Variants in SPARCL1 observed in about 807,000 individuals in gnomAD.
SPARCL1 encodes the protein SPARC like 1, also known as SPARC-like protein 1.
In SPARCL1, 52 loss-of-function variants were observed where a neutral mutation model predicts 67.1. The ratio of observed to expected loss-of-function variants is 0.78; its 90% CI spans 0.62 to 0.98. SPARCL1 has a LOEUF of 0.98. Among genes scored for constraint, SPARCL1 ranks in the 50% least tolerant of loss-of-function variants. SPARCL1 has a pLI of 0.00. For missense variants in SPARCL1, 717 were observed against 782.4 expected, an observed-to-expected ratio of 0.92 and a Z score of 1.00; for synonymous variants, 226 against 267.8, an observed-to-expected ratio of 0.84 and a Z score of 1.52.
intron 1 of SPARCL1, among the ~76,000 whole-genome samples, chr4:87,512,503 T>C (rs773081770): frequency 4.6e-5 from 7 of 151,998 alleles, no homozygotes; most frequent in Non-Finnish European, 7.4e-5. Context: ...GAGTTTTTCC[T>C]CTTGGTGGAA....
At chr4:87,479,108 G>T (rs1260468356) in intron 10 of SPARCL1, among the ~76,000 whole-genome samples, 1 of 152,186 alleles carries the variant, frequency 6.6e-6, no homozygotes, top group Admixed American at 6.5e-5. Flanking sequence ...GTTAAGGTAG[G>T]ATATGAAATA....
chr4:87,491,932 C>T (rs1724351709), intron 4 of SPARCL1, among the ~76,000 whole-genome samples: 1 of 94,520 alleles, frequency 1.1e-5, no homozygotes, highest in East Asian at 3.3e-4. Context: ...TAGGGAAACT[C>T]CATCTCTACC....
chr4:87,515,217 T>A (rs1352554926), intron 1 of SPARCL1, among the ~76,000 whole-genome samples: 1 of 152,218 alleles, frequency 6.6e-6, no homozygotes, highest in Non-Finnish European at 1.5e-5. Context: ...AGATCTAAGT[T>A]CCAGACTTGA....
intron 1 of SPARCL1, among the ~76,000 whole-genome samples, chr4:87,502,837 G>A (rs983374267): frequency 6.6e-6 from 1 of 152,222 alleles, no homozygotes; most frequent in Admixed American, 6.5e-5. Context: ...GTTCCATGGA[G>A]CATTGGAGGG....
At chr4:87,489,970 CTG>C (rs1466508808) in intron 7 of SPARCL1, among the ~76,000 whole-genome samples, 1 of 152,164 alleles carries the variant, frequency 6.6e-6, no homozygotes, top group Non-Finnish European at 1.5e-5. Context: ...TGATTCAACT[CTG>C]TGATTAAGTG....
chr4:87,507,344 G>A (rs748680390), intron 1 of SPARCL1, among the ~76,000 whole-genome samples: 3 of 152,104 alleles, frequency 2.0e-5, no homozygotes, highest in East Asian at 1.9e-4. Flanking sequence ...TAATCTGTCC[G>A]CATGATCTCA....
intron 1 of SPARCL1, among the ~76,000 whole-genome samples, chr4:87,508,964 A>G (rs2110249493): frequency 6.8e-6 from 1 of 147,736 alleles, no homozygotes; most frequent in African/African-American, 2.5e-5. Flanking sequence ...CAGATCCCAC[A>G]GGTTGAGGGC....
chr4:87,483,598 AC>A (rs1370454616), intron 7 of SPARCL1, among the ~76,000 whole-genome samples: 1 of 152,194 alleles, frequency 6.6e-6, no homozygotes, highest in Non-Finnish European at 1.5e-5. Context: ...TTGGGTATAT[AC>A]CCAGTAATGG....
At chr4:87,523,403 A>T (rs1041068902) in intron 1 of SPARCL1, among the ~76,000 whole-genome samples, 1 of 152,246 alleles carries the variant, frequency 6.6e-6, no homozygotes, top group Non-Finnish European at 1.5e-5. Flanking sequence ...GCAAGTTGGA[A>T]TCACATAGTT....
chr4:87,511,320 A>C (rs971786282), intron 1 of SPARCL1, among the ~76,000 whole-genome samples: 7 of 152,230 alleles, frequency 4.6e-5, no homozygotes, highest in Admixed American at 4.6e-4. Context: ...CATATGAACA[A>C]CTTAGTAAAT....
At position 87,490,754 on chromosome 4, in the gene SPARCL1, A is replaced by G. The variant is rs1724289331; in HGVS notation, c.1410+6T>C. On this transcript the variant is annotated splice_donor_region_variant and intron_variant, in intron 6 of 10. Transcript: ENST00000282470. ...CCACTTAAAGACTATTTTGCAGAAT[A>G]CTTACTTGATCAAGGGGTTTTGTTG... 1.3e-6 allele frequency: 2 copies of G among 1,559,072 alleles called. No homozygotes were observed. The highest frequency in any genetic ancestry group is 1.8e-6 in the Non-Finnish European group (2 of 1,138,066).
At chr4:87,511,843 A>T (rs1725370506) in intron 1 of SPARCL1, among the ~76,000 whole-genome samples, 1 of 152,146 alleles carries the variant, frequency 6.6e-6, no homozygotes, top group Non-Finnish European at 1.5e-5. Context: ...CACTCTAAAA[A>T]TGATTGGCTG....
intron 1 of SPARCL1, among the ~76,000 whole-genome samples, chr4:87,512,149 TA>T (rs770533743): frequency 7.2e-5 from 11 of 151,956 alleles, no homozygotes; most frequent in Non-Finnish European, 1.5e-4. Context: ...GTATTTTTAG[TA>T]GAGATGGGGG....
intron 1 of SPARCL1, among the ~76,000 whole-genome samples, chr4:87,523,795 C>G (rs184988369): frequency 1.3e-5 from 2 of 152,230 alleles, no homozygotes; most frequent in East Asian, 3.9e-4. Flanking sequence ...GTGTACATTA[C>G]AATATATTAC....
intron 10 of SPARCL1, among the ~76,000 whole-genome samples, chr4:87,474,898 A>G (rs6825524): frequency 0.63 from 95,741 of 151,406 alleles, 31,256 homozygotes; most frequent in African/African-American, 0.81. Flanking sequence ...GCCCGCCACC[A>G]CGCCCGGCTA....
chr4:87,492,683 T>TTTA (rs1210563170), intron 4 of SPARCL1, among the ~76,000 whole-genome samples: 2 of 152,204 alleles, frequency 1.3e-5, no homozygotes, highest in African/African-American at 4.8e-5. Context: ...TACCAGGCTT[T>TTTA]TAAGGTATAA....
In SPARCL1 at chr4:87,474,804, G is replaced by C. The variant is rs569820730; in HGVS notation, c.1967-1001C>G. Among the ~76,000 whole-genome samples, 343 of 146,180 alleles carry C rather than the reference G, an allele frequency of 2.3e-3. 1 individual carries two copies. Among genetic ancestry groups the C allele is most frequent in the Middle Eastern group, 7.7e-3 (2 of 260 alleles). The stretch of plus-strand genomic sequence containing the variant: ...TTCACCCAGGCCAGACTGAAGTGGC[G>C]CAGTCTCGGCTCACTGCAAGCTCCG... On this transcript the variant is annotated intron_variant, in intron 10 of 10. Coordinates refer to ENST00000282470, the MANE Select transcript of SPARCL1 (RefSeq NM_004684.6).
At chr4:87,485,326 T>C (rs1724004567) in intron 7 of SPARCL1, among the ~76,000 whole-genome samples, 1 of 152,210 alleles carries the variant, frequency 6.6e-6, no homozygotes, top group Non-Finnish European at 1.5e-5. Flanking sequence ...GAGATAATCA[T>C]GTGGTTTTTG....
intron 8 of SPARCL1, among the ~76,000 whole-genome samples, 194 bp downstream of exon 8, chr4:87,482,230 G>C (rs899361713): frequency 3.3e-5 from 5 of 152,160 alleles, no homozygotes; most frequent in African/African-American, 4.8e-5. Flanking sequence ...AGAATGGGGC[G>C]GTTTGGTGGT....
Sources: allele counts gnomAD v4.1 joint callset (sites outside exome capture counted in the v4.1 genomes callset), GRCh38; gene constraint gnomAD v4.1.1; transcripts MANE v1.5; gene names NCBI Gene and HGNC (gene_info 2026-07-23, HGNC 2026-07-21).